The following CLYBL variants were observed in gnomAD, a reference collection of about 807,000 sequenced individuals.
The protein encoded by CLYBL is citramalyl-CoA lyase, mitochondrial.
A neutral mutation model predicts 38.9 loss-of-function variants in CLYBL; 31 were observed. The ratio of observed to expected loss-of-function variants is 0.80; its 90% confidence interval spans 0.60 to 1.08. CLYBL has a LOEUF of 1.08. CLYBL is among the 50% of genes least tolerant of loss of function. The pLI, the probability that CLYBL is intolerant of heterozygous loss-of-function variation, is 0.00. For missense variants in CLYBL, 434 were observed against 411.6 expected, an observed-to-expected ratio of 1.05 and a Z score of -0.47; for synonymous variants, 171 against 158.6, an observed-to-expected ratio of 1.08 and a Z score of -0.59.
intron 1 of CLYBL, among the ~76,000 whole-genome samples, chr13:99,715,544 AG>A (rs1487929049): frequency 2.0e-5 from 3 of 151,800 alleles, no homozygotes; most frequent in Non-Finnish European, 2.9e-5. Flanking sequence ...CTGGGACTAC[AG>A]GTGCATGCCA....
chr13:99,881,702 G>A (rs1045298655), intron 7 of CLYBL, among the ~76,000 whole-genome samples: 16 of 151,882 alleles, frequency 1.1e-4, no homozygotes, highest in Admixed American at 3.3e-4. Flanking sequence ...GATTACAAGC[G>A]TTGAGCCACT....
At chr13:99,629,054 C>T (rs966372991) in intron 1 of CLYBL, among the ~76,000 whole-genome samples, 5 of 152,240 alleles carry the variant, frequency 3.3e-5, no homozygotes, top group African/African-American at 1.2e-4. Context: ...CTGAATTCCA[C>T]TGCTGGGGCA....
downstream of CLYBL, among the ~76,000 whole-genome samples, chr13:99,901,645 G>GTTTTTTTTTTT (rs57853480): frequency 2.4e-5 from 3 of 127,192 alleles, no homozygotes; most frequent in South Asian, 2.6e-4. Context: ...GGATTTTTTT[G>GTTTTTTTTTTT]TTTTTTTTTT....
At chr13:99,662,121 T>G (rs1190444438) in intron 1 of CLYBL, among the ~76,000 whole-genome samples, 2 of 152,222 alleles carry the variant, frequency 1.3e-5, no homozygotes, top group Non-Finnish European at 2.9e-5. Flanking sequence ...TGACCTTTCC[T>G]TGCTATTTTG....
At chr13:99,754,641 G>A (rs1205035677) in intron 1 of CLYBL, among the ~76,000 whole-genome samples, 20 of 151,164 alleles carry the variant, frequency 1.3e-4, no homozygotes, top group Non-Finnish European at 2.5e-4. Flanking sequence ...CTGGAGTGCA[G>A]TGGCATGTTC....
intron 2 of CLYBL, among the ~76,000 whole-genome samples, chr13:99,804,899 A>G (rs1178704021): frequency 6.6e-6 from 1 of 152,124 alleles, no homozygotes; most frequent in Non-Finnish European, 1.5e-5. Flanking sequence ...CAGAGACTTT[A>G]CCATTCAACA....
chr13:99,610,886 A>G (rs750780335), intron 1 of CLYBL, among the ~76,000 whole-genome samples: 1 of 152,206 alleles, frequency 6.6e-6, no homozygotes, highest in Non-Finnish European at 1.5e-5. Flanking sequence ...GTGATGGTAA[A>G]TAAGTACTTC....
chr13:99,660,815 GAT>G (rs1217844791), intron 1 of CLYBL, among the ~76,000 whole-genome samples: 2 of 151,898 alleles, frequency 1.3e-5, no homozygotes, highest in African/African-American at 4.8e-5. Context: ...CACAGGCAAG[GAT>G]ATTTAAAATT....
chr13:99,841,669 G>T (rs1225118015), intron 2 of CLYBL, among the ~76,000 whole-genome samples: 1 of 152,154 alleles, frequency 6.6e-6, no homozygotes, highest in Non-Finnish European at 1.5e-5. Context: ...CAAAGTGCCG[G>T]CATCACAGGC....
intron 1 of CLYBL, among the ~76,000 whole-genome samples, chr13:99,754,839 G>A (rs1432704548): frequency 6.9e-6 from 1 of 144,424 alleles, no homozygotes; most frequent in East Asian, 2.1e-4. Context: ...TGATCCACTC[G>A]CCTCAGCCTT....
At position 99,809,693 on chromosome 13, in the gene CLYBL, C is replaced by A. The variant is rs560242760; in HGVS notation, c.249+36683C>A. On this transcript the variant is annotated intron_variant, in intron 2 of 8. Coordinates refer to ENST00000339105, the MANE Select transcript of CLYBL (RefSeq NM_206808.5). ...TTATGCCCTTCCATCGAGGGTGTGA[C>A]GGCTGGCGCCTCTGGTAATGAGCTG... Among the ~76,000 whole-genome samples, 5 of 152,364 alleles carry A rather than the reference C, an allele frequency of 3.3e-5. No individual in the cohort carries two copies. The South Asian group carries it at 8.3e-4, about 25-fold the overall frequency.
chr13:99,766,044 G>T (rs958440763), intron 1 of CLYBL, among the ~76,000 whole-genome samples: 1 of 151,580 alleles, frequency 6.6e-6, no homozygotes, highest in African/African-American at 2.4e-5. Context: ...TAGAGAGGGG[G>T]GTCTCACTAT....
At chr13:99,816,477 T>C (rs1287707898) in intron 2 of CLYBL, among the ~76,000 whole-genome samples, 1 of 152,248 alleles carries the variant, frequency 6.6e-6, no homozygotes, top group Non-Finnish European at 1.5e-5. Flanking sequence ...GGCAGTAGCC[T>C]CGTAAAATGG....
intron 1 of CLYBL, among the ~76,000 whole-genome samples, chr13:99,736,367 A>G (rs1417691685): frequency 1.3e-5 from 2 of 151,846 alleles, no homozygotes; most frequent in African/African-American, 4.8e-5. Context: ...TAAAATTTTA[A>G]AGTATAAGTA....
chr13:99,686,091 A>G (rs538976128), intron 1 of CLYBL, among the ~76,000 whole-genome samples: 1 of 152,134 alleles, frequency 6.6e-6, no homozygotes, highest in South Asian at 2.1e-4. Flanking sequence ...TTCCCCCTTT[A>G]TTCTCTTTTG....
intron 2 of CLYBL, among the ~76,000 whole-genome samples, chr13:99,798,430 C>G (rs2050066029): frequency 6.6e-6 from 1 of 152,176 alleles, no homozygotes; most frequent in Non-Finnish European, 1.5e-5. Context: ...TCACCTACCT[C>G]AAGTTTGGTG....
In CLYBL at chr13:99,618,850, TC is replaced by T. The variant is rs1357481792; in HGVS notation, c.62+12095del. ...GCTTATTTCACTCAGCATAATATCT[TC>T]CAAGGTGCATCCATGTTACAGCAGG... On this transcript the variant is annotated intron_variant, in intron 1 of 8. Transcript: ENST00000339105. 3.3e-5 allele frequency among the ~76,000 whole-genome samples: 5 copies of T among 152,362 alleles called. No individual in the cohort carries two copies. The East Asian group carries it at 9.6e-4, about 29-fold the overall frequency.
chr13:99,630,468 T>C (rs1274295330), intron 1 of CLYBL, among the ~76,000 whole-genome samples: 1 of 152,126 alleles, frequency 6.6e-6, no homozygotes, highest in Non-Finnish European at 1.5e-5. Context: ...AGAGACGTGC[T>C]AAAAGTGGAG....
chr13:99,670,130 C>T (rs954617517), intron 1 of CLYBL, among the ~76,000 whole-genome samples: 4 of 151,838 alleles, frequency 2.6e-5, no homozygotes, highest in Non-Finnish European at 2.9e-5. Flanking sequence ...ACCTGGGAGG[C>T]GGAGGTTGCA....
Sources: gnomAD v4.1 joint callset for allele counts (sites outside exome capture counted in the v4.1 genomes callset) on GRCh38, gnomAD v4.1.1 for gene constraint, MANE v1.5 for transcripts, NCBI Gene and HGNC (gene_info 2026-07-23, HGNC 2026-07-21) for gene names.